The following CRPPA variants were observed in gnomAD, a reference collection of about 807,000 sequenced individuals.
The protein encoded by CRPPA is CDP-L-ribitol pyrophosphorylase A.
Under a neutral mutation model 52.0 loss-of-function variants are expected in CRPPA, and 43 were observed. That is an observed-to-expected ratio of 0.83 (90% CI 0.65 to 1.07). CRPPA has a LOEUF of 1.07. Among genes scored for constraint, CRPPA ranks in the 50% least tolerant of loss-of-function variants. The pLI is 0.00. For missense variants in CRPPA, 629 were observed against 551.7 expected (o/e 1.14, Z -1.40); for synonymous variants, 250 against 203.5 (o/e 1.23, Z -1.94).
chr7:16,218,834 T>A (rs1468098848), intron 8 of CRPPA, among the ~76,000 whole-genome samples: 10 of 146,464 alleles, frequency 6.8e-5, no homozygotes, highest in Non-Finnish European at 1.4e-4. Flanking sequence ...CTCCCACACA[T>A]TAATAATGGG....
chr7:16,219,121 A>C (rs1583440259), intron 8 of CRPPA, among the ~76,000 whole-genome samples: 1 of 152,176 alleles, frequency 6.6e-6, no homozygotes, highest in East Asian at 1.9e-4. Context: ...TCAAACTAGA[A>C]CTCAGGATTA....
At chr7:16,227,785 T>C (rs1325260526) in intron 8 of CRPPA, among the ~76,000 whole-genome samples, 1 of 151,898 alleles carries the variant, frequency 6.6e-6, no homozygotes, top group African/African-American at 2.4e-5. Flanking sequence ...TTCGTAGCCA[T>C]TACTCTTGGA....
chr7:16,378,149 G>C (rs1786951485), intron 2 of CRPPA, among the ~76,000 whole-genome samples: 1 of 151,412 alleles, frequency 6.6e-6, no homozygotes, highest in Non-Finnish European at 1.5e-5. Context: ...TAGAGTACAT[G>C]TGCACAATGT....
At chr7:16,296,993 T>C (rs1456441956) in intron 5 of CRPPA, among the ~76,000 whole-genome samples, 1 of 152,204 alleles carries the variant, frequency 6.6e-6, no homozygotes, top group African/African-American at 2.4e-5. Context: ...CTGAGCTTTA[T>C]AAACCACTGA....
intron 5 of CRPPA, among the ~76,000 whole-genome samples, chr7:16,289,547 T>C (rs1243685293): frequency 1.3e-5 from 2 of 152,160 alleles, no homozygotes; most frequent in African/African-American, 4.8e-5. Flanking sequence ...ATAAATGTGA[T>C]ACATCACTAT....
chr7:16,185,793 T>A (rs1004978480), intron 9 of CRPPA, among the ~76,000 whole-genome samples: 2 of 152,142 alleles, frequency 1.3e-5, no homozygotes, highest in Admixed American at 6.5e-5. Flanking sequence ...GAGGCACTGA[T>A]TGGAAAAGTG....
chr7:16,110,906 A>C (rs1242340071), intron 9 of CRPPA, among the ~76,000 whole-genome samples: 2 of 152,132 alleles, frequency 1.3e-5, no homozygotes, highest in East Asian at 3.9e-4. Flanking sequence ...GGACTACATA[A>C]GTACAGGAAA....
Position 16,337,467 on chromosome 7 carries a change from T to TGCTGCAA in CRPPA, c.685-28841_685-28840insTTGCAGC, listed in dbSNP as rs1434339343. On this transcript the variant is annotated intron_variant, in intron 3 of 9. Transcript: ENST00000407010. ...ACTTATAGCATGCAGCAAAGAGTCC[T>TGCTGCAA]AAGTGGCAAATTTATAGCATTAAAC... Among the ~76,000 whole-genome samples the TGCTGCAA allele has an allele frequency of 5.3e-5, 8 of 152,132 alleles. No individual in the cohort carries two copies. The East Asian group carries it at 1.4e-3, about 26-fold the overall frequency.
rs187523554 is a variant in CRPPA at position 16,307,793 on chromosome 7, C to G, written c.789+730G>C. Among the ~76,000 whole-genome samples, 794 of 152,066 alleles carry G rather than the reference C, an allele frequency of 5.2e-3. 7 individuals are homozygous for G. Among genetic ancestry groups the G allele is most frequent in the African/African-American group, 0.017 (724 of 41,466 alleles). ...CAGAAAGTGGATCCAGCTACCACCC[C>G]CACTGGGTTGGAACTGTTGCAGATA... On this transcript the variant is annotated intron_variant, in intron 4 of 9. Coordinates refer to ENST00000407010, the MANE Select transcript of CRPPA (RefSeq NM_001101426.4).
intron 9 of CRPPA, among the ~76,000 whole-genome samples, chr7:16,172,873 T>A (rs1277891542): frequency 6.6e-6 from 1 of 152,180 alleles, no homozygotes; most frequent in African/African-American, 2.4e-5. Context: ...AATGCCTTTC[T>A]CCCTAAGAAA....
At chr7:16,298,298 T>C (rs1784715770) in intron 5 of CRPPA, among the ~76,000 whole-genome samples, 1 of 152,160 alleles carries the variant, frequency 6.6e-6, no homozygotes, top group Non-Finnish European at 1.5e-5. Flanking sequence ...CCCAAAGGTT[T>C]CAGATAAGGG....
At chr7:16,195,918 C>T (rs980767492) in intron 9 of CRPPA, among the ~76,000 whole-genome samples, 1 of 152,112 alleles carries the variant, frequency 6.6e-6, no homozygotes, top group Non-Finnish European at 1.5e-5. Context: ...TGCCAACCCC[C>T]CTTCCCCACA....
chr7:16,181,696 T>C (rs1781415664), intron 9 of CRPPA, among the ~76,000 whole-genome samples: 1 of 152,010 alleles, frequency 6.6e-6, no homozygotes, highest in Non-Finnish European at 1.5e-5. Context: ...ACAGCATAAA[T>C]TATTAAATTA....
Position 16,287,163 on chromosome 7 carries a change from T to C in CRPPA, c.836-8937A>G, listed in dbSNP as rs867275284. On this transcript the variant is annotated intron_variant, in intron 5 of 9. Coordinates refer to ENST00000407010, the MANE Select transcript of CRPPA (RefSeq NM_001101426.4). ...TTTATAGATCAATAAAAGGTGTCTATAAAGCAAGTAAATTGCCCAAGTTCA... is the reference window on the plus strand; with the variant it reads ...TTTATAGATCAATAAAAGGTGTCTACAAAGCAAGTAAATTGCCCAAGTTCA... Among the ~76,000 whole-genome samples, 3 of 152,202 alleles carry C rather than the reference T, an allele frequency of 2.0e-5. No homozygotes were observed. The South Asian group carries it at 6.2e-4, about 31-fold the overall frequency.
chr7:16,174,963 T>A (rs961236172), intron 9 of CRPPA, among the ~76,000 whole-genome samples: 106 of 152,226 alleles, frequency 7.0e-4, no homozygotes, highest in African/African-American at 2.4e-3. Flanking sequence ...AACTAGAAGA[T>A]ATACCTCAGG....
chr7:16,129,654 A>G (rs1782645713), intron 9 of CRPPA, among the ~76,000 whole-genome samples: 1 of 152,092 alleles, frequency 6.6e-6, no homozygotes, highest in Non-Finnish European at 1.5e-5. Context: ...CTCAGTACAT[A>G]TTTTATTGTC....
chr7:16,225,586 C>A (rs974285025), intron 8 of CRPPA, among the ~76,000 whole-genome samples: 1 of 151,888 alleles, frequency 6.6e-6, no homozygotes, highest in African/African-American at 2.4e-5. Context: ...TATGCTTCTC[C>A]AAAATTTATC....
chr7:16,104,990 G>A (rs1269050989), intron 9 of CRPPA, among the ~76,000 whole-genome samples: 1 of 151,946 alleles, frequency 6.6e-6, no homozygotes, highest in Non-Finnish European at 1.5e-5. Flanking sequence ...ATAGAAGACA[G>A]ACTTGAAATG....
chr7:16,381,470 G>A (rs1469277036), intron 2 of CRPPA, among the ~76,000 whole-genome samples: 1 of 152,148 alleles, frequency 6.6e-6, no homozygotes, highest in East Asian at 1.9e-4. Flanking sequence ...ATATTCTGTT[G>A]ATTTGGGGTG....
Sources: gnomAD v4.1 joint callset for allele counts (sites outside exome capture counted in the v4.1 genomes callset) on GRCh38, gnomAD v4.1.1 for gene constraint, MANE v1.5 for transcripts, NCBI Gene and HGNC (gene_info 2026-07-23, HGNC 2026-07-21) for gene names.